Variants in SYBU observed in about 807,000 individuals in gnomAD.
SYBU encodes the protein GOLSYN A protein.
Under a neutral mutation model 35.9 loss-of-function variants are expected in SYBU, and 21 were observed. The observed-to-expected ratio is 0.58, with a 90% CI of 0.41 to 0.84. The LOEUF is 0.84. SYBU is among the 40% of genes least tolerant of loss of function. The pLI, the probability that SYBU is intolerant of heterozygous loss-of-function variation, is 0.00. For synonymous variants in SYBU, 319 were observed against 324.3 expected (o/e 0.98, Z 0.18); for missense variants, 768 against 848.2 (o/e 0.91, Z 1.17).
At chr8:109,592,312 CTG>C (rs935492297) in intron 3 of SYBU, among the ~76,000 whole-genome samples, 6 of 151,030 alleles carry the variant, frequency 4.0e-5, no homozygotes, top group Admixed American at 6.6e-5. Flanking sequence ...AATTCTCTTT[CTG>C]TGTGTGTGTG....
At chr8:109,615,423 C>G (rs1811626177) in intron 3 of SYBU, among the ~76,000 whole-genome samples, 1 of 152,002 alleles carries the variant, frequency 6.6e-6, no homozygotes, top group African/African-American at 2.4e-5. Flanking sequence ...CCAGGGGCCT[C>G]GCTTCCAGGA....
At chr8:109,591,503 TA>T in intron 3 of SYBU, among the ~76,000 whole-genome samples, 7 of 138,844 alleles carry the variant, frequency 5.0e-5, no homozygotes, top group African/African-American at 2.0e-4. Flanking sequence ...TAAAAAAATG[TA>T]AATTTTTTTT....
chr8:109,647,965 G>A (rs1285542894), upstream of SYBU: 1 of 152,160 alleles, frequency 6.6e-6, no homozygotes, highest in African/African-American at 2.4e-5. Context: ...TATCTATGCC[G>A]CCTTAATTTC....
chr8:109,658,182 T>G (rs149375006), intron 1 of SYBU, among the ~76,000 whole-genome samples: 2 of 152,356 alleles, frequency 1.3e-5, no homozygotes, highest in Non-Finnish European at 2.9e-5. Flanking sequence ...GGACAAGTTT[T>G]AGGTTAATTA....
At chr8:109,648,611 T>C (rs1815957714), upstream of SYBU, 1 of 152,100 alleles carries the variant, frequency 6.6e-6, no homozygotes, top group South Asian at 2.1e-4. Flanking sequence ...ACAAATGCAC[T>C]GCTGAAAAGA....
chr8:109,622,123 T>C (rs190371161), intron 2 of SYBU, among the ~76,000 whole-genome samples: 27 of 148,664 alleles, frequency 1.8e-4, no homozygotes, highest in Non-Finnish European at 3.0e-4. Flanking sequence ...TTATCTGAGA[T>C]TCTTTTTTTT....
At chr8:109,689,323 C>T (rs939836325) in intron 1 of SYBU, among the ~76,000 whole-genome samples, 6 of 151,904 alleles carry the variant, frequency 3.9e-5, no homozygotes, top group Non-Finnish European at 5.9e-5. Flanking sequence ...TTAAAATTTT[C>T]TTTAATTAAT....
At chr8:109,593,239 T>C (rs1263279456) in intron 3 of SYBU, among the ~76,000 whole-genome samples, 2 of 152,168 alleles carry the variant, frequency 1.3e-5, no homozygotes, top group Non-Finnish European at 2.9e-5. Flanking sequence ...CTGGACTTTC[T>C]CTCCAAGTTC....
chr8:109,649,806 A>C (rs1436200853), upstream of SYBU, among the ~76,000 whole-genome samples: 2 of 152,234 alleles, frequency 1.3e-5, no homozygotes, highest in African/African-American at 4.8e-5. Context: ...TATTAGGAAA[A>C]TGAATCAGAA....
intron 1 of SYBU, among the ~76,000 whole-genome samples, chr8:109,677,765 C>T (rs1339425808): frequency 6.6e-6 from 1 of 152,178 alleles, no homozygotes; most frequent in Non-Finnish European, 1.5e-5. Flanking sequence ...GTTTTCCAAA[C>T]TTCAGACTAA....
At chr8:109,616,569 G>A (rs1811815860) in intron 3 of SYBU, among the ~76,000 whole-genome samples, 1 of 151,842 alleles carries the variant, frequency 6.6e-6, no homozygotes, top group Admixed American at 6.6e-5. Context: ...CTGTTTCACT[G>A]TTTCCTTGTA....
chr8:109,651,929 T>G (rs943025970), intron 1 of SYBU, among the ~76,000 whole-genome samples: 28 of 152,220 alleles, frequency 1.8e-4, no homozygotes, highest in African/African-American at 6.5e-4. Flanking sequence ...TTGCCAGGAC[T>G]TTTCCTCCAG....
chr8:109,654,226 A>G (rs1816267328), intron 1 of SYBU, among the ~76,000 whole-genome samples: 1 of 152,154 alleles, frequency 6.6e-6, no homozygotes, highest in Non-Finnish European at 1.5e-5. Context: ...ACTTGTCTAG[A>G]GTATATGTCT....
chr8:109,610,250 T>G (rs776466984), intron 3 of SYBU, among the ~76,000 whole-genome samples: 5 of 152,154 alleles, frequency 3.3e-5, no homozygotes, highest in Non-Finnish European at 7.3e-5. Context: ...GCATCAGCCA[T>G]CTCCCCCACG....
At chr8:109,663,262 T>TATA (rs1816634830) in intron 1 of SYBU, among the ~76,000 whole-genome samples, 1 of 79,434 alleles carries the variant, frequency 1.3e-5, no homozygotes, top group Non-Finnish European at 2.4e-5. Context: ...TACATACAGA[T>TATA]AGATAGATAG....
chr8:109,587,634 T>C (rs1033566231), intron 3 of SYBU, among the ~76,000 whole-genome samples: 1 of 152,218 alleles, frequency 6.6e-6, no homozygotes, highest in African/African-American at 2.4e-5. Context: ...TGATGGCCTC[T>C]GTTAGTTTTG....
chr8:109,651,566 C>T (rs1390908619), intron 1 of SYBU, among the ~76,000 whole-genome samples: 4 of 148,204 alleles, frequency 2.7e-5, no homozygotes, highest in African/African-American at 7.5e-5. Flanking sequence ...AAAGAAGAAC[C>T]AGTTGCACTA....
intron 1 of SYBU, among the ~76,000 whole-genome samples, chr8:109,664,147 T>C (rs11994641): frequency 0.012 from 1,757 of 152,182 alleles, 21 homozygotes; most frequent in African/African-American, 0.04. Context: ...ATGGCTCCAA[T>C]TGAGAGGGAA....
At chr8:109,673,125 C>T (rs1817050799) in intron 1 of SYBU, among the ~76,000 whole-genome samples, 1 of 152,218 alleles carries the variant, frequency 6.6e-6, no homozygotes, top group African/African-American at 2.4e-5. Context: ...CTTAAACGTT[C>T]CTGCCTGCTG....
Sources: allele counts gnomAD v4.1 joint callset (sites outside exome capture counted in the v4.1 genomes callset), GRCh38; gene constraint gnomAD v4.1.1; transcripts MANE v1.5; gene names NCBI Gene and HGNC (gene_info 2026-07-23, HGNC 2026-07-21).